The following DNM3 variants were observed in gnomAD, a reference collection of about 807,000 sequenced individuals.
DNM3 encodes dynamin 3.
In DNM3, 47 loss-of-function variants were observed where a neutral mutation model predicts 101.6. That is an observed-to-expected ratio of 0.46 (90% CI 0.37 to 0.59). The LOEUF (loss-of-function observed/expected upper bound fraction) is 0.59, where lower values mean the gene tolerates loss of function less well. DNM3 is among the 20% of genes least tolerant of loss of function. The probability of loss-of-function intolerance (pLI) is 0.00; values close to 1 mark genes in which losing one functional copy is unlikely to be tolerated. For missense variants in DNM3, 849 were observed against 1,085.7 expected (o/e 0.78, Z 3.06); for synonymous variants, 385 against 387.9 (o/e 0.99, Z 0.09).
intron 2 of DNM3, chr1:171,970,073 A>C (rs957763892): frequency 5.3e-6 from 1 of 188,696 alleles, no homozygotes; most frequent in Non-Finnish European, 9.8e-6. Context: ...TGGCGGAAAC[A>C]GATAAAGATA....
chr1:172,385,487 A>G (rs2069131733), intron 18 of DNM3, among the ~76,000 whole-genome samples: 1 of 152,216 alleles, frequency 6.6e-6, no homozygotes, highest in South Asian at 2.1e-4. Context: ...AGGGTTTCCT[A>G]AATACATCTT....
intron 6 of DNM3, among the ~76,000 whole-genome samples, chr1:172,037,662 G>C (rs1266789605): frequency 1.3e-5 from 2 of 152,000 alleles, no homozygotes. Context: ...AGTTTTCATT[G>C]TACTGAGCTT....
At chr1:171,899,806 A>G (rs1408857927) in intron 1 of DNM3, among the ~76,000 whole-genome samples, 2 of 152,220 alleles carry the variant, frequency 1.3e-5, no homozygotes, top group African/African-American at 4.8e-5. Context: ...AAACATATAT[A>G]GTGGGTTCTA....
At chr1:172,367,101 G>T (rs1180826257) in intron 17 of DNM3, among the ~76,000 whole-genome samples, 1 of 151,650 alleles carries the variant, frequency 6.6e-6, no homozygotes, top group Non-Finnish European at 1.5e-5. Flanking sequence ...ACAATAGCAA[G>T]AGAAAAGTGT....
At chr1:172,078,132 A>G (rs948775127) in intron 11 of DNM3, among the ~76,000 whole-genome samples, 5 of 151,910 alleles carry the variant, frequency 3.3e-5, no homozygotes, top group Admixed American at 2.6e-4. Context: ...TCACTCTGTC[A>G]CCCAGGCTGC....
At chr1:172,124,875 A>T (rs965066302) in intron 13 of DNM3, among the ~76,000 whole-genome samples, 5 of 152,216 alleles carry the variant, frequency 3.3e-5, no homozygotes, top group African/African-American at 1.2e-4. Flanking sequence ...CCAGGCCTGT[A>T]AATGGGAAGA....
At chr1:172,095,367 T>A (rs1458285886) in intron 13 of DNM3, among the ~76,000 whole-genome samples, 1 of 152,158 alleles carries the variant, frequency 6.6e-6, no homozygotes, top group South Asian at 2.1e-4. Flanking sequence ...GAAAAAAGCT[T>A]TCAATTTGCA....
chr1:172,062,466 A>T (rs2051316821), intron 10 of DNM3, among the ~76,000 whole-genome samples: 1 of 152,210 alleles, frequency 6.6e-6, no homozygotes, highest in East Asian at 1.9e-4. Context: ...TTTCATAAAT[A>T]ACACTAGAGT....
rs771766621 is a variant in DNM3 at position 171,841,687 on chromosome 1, C to A, written c.31C>A (p.Pro11Thr). The A allele has an allele frequency of 6.2e-6, 10 of 1,611,918 alleles. No homozygotes were observed. The highest frequency in any genetic ancestry group is 6.8e-6 in the Non-Finnish European group (8 of 1,179,332). ...GAACCGGGAGATGGAGGAGCTGATC[C>A]CGCTGGTGAACCGTCTGCAGGACGC... is the stretch of plus-strand genomic sequence containing the variant. MGNREMEELI[P>T]LVNRLQDAFS... The change falls in exon 1 of 21, where the codon CCG becomes ACG. Residue 11 changes from proline to threonine, a missense_variant. Transcript: ENST00000627582.
chr1:171,898,498 A>G (rs2038008240), intron 1 of DNM3, among the ~76,000 whole-genome samples: 1 of 152,128 alleles, frequency 6.6e-6, no homozygotes, highest in African/African-American at 2.4e-5. Flanking sequence ...CATTTTTAAA[A>G]CCTATTTTTT....
chr1:172,030,855 C>A (rs1313355617), intron 4 of DNM3, among the ~76,000 whole-genome samples: 1 of 152,148 alleles, frequency 6.6e-6, no homozygotes, highest in Non-Finnish European at 1.5e-5. Context: ...CAATGAGATA[C>A]CATCTCATGC....
chr1:172,333,740 C>T (rs1301629323), intron 17 of DNM3, among the ~76,000 whole-genome samples: 1 of 152,074 alleles, frequency 6.6e-6, no homozygotes, highest in African/African-American at 2.4e-5. Flanking sequence ...TATTCAGTTG[C>T]ATCCCAACTA....
chr1:171,842,198 T>G (rs1338443459), intron 1 of DNM3, among the ~76,000 whole-genome samples: 2 of 151,988 alleles, frequency 1.3e-5, no homozygotes, highest in South Asian at 2.1e-4. Context: ...AGCTTCCCAG[T>G]GCCCCTCTCC....
At position 171,948,138 on chromosome 1, in the gene DNM3, G is replaced by T. The variant is rs185452053; in HGVS notation, c.235+26317G>T. ...TGTTCTTTAAAGCACTCTACTTGTAGCAAACAGACAGCAATTACATCTGTT... is the reference window on the plus strand; with the variant it reads ...TGTTCTTTAAAGCACTCTACTTGTATCAAACAGACAGCAATTACATCTGTT... On this transcript the variant is annotated intron_variant, in intron 2 of 20. Transcript: ENST00000627582. Among the ~76,000 whole-genome samples the T allele has an allele frequency of 2.6e-5, 4 of 152,276 alleles. 1 individual carries two copies. Among genetic ancestry groups the T allele is most frequent in the Admixed American group, 2.6e-4 (4 of 15,288 alleles).
chr1:172,353,682 T>C (rs1388979504), intron 17 of DNM3, among the ~76,000 whole-genome samples: 1 of 152,162 alleles, frequency 6.6e-6, no homozygotes, highest in Non-Finnish European at 1.5e-5. Flanking sequence ...TCTCAATTTA[T>C]TGTATGGCCT....
In DNM3 at chr1:172,128,622, A is replaced by G. The variant is rs533349843; in HGVS notation, c.1546-2553A>G. Among the ~76,000 whole-genome samples the G allele has an allele frequency of 1.3e-4, 20 of 152,348 alleles. No homozygotes were observed. In the South Asian group the frequency reaches 4.1e-3, roughly 32 times the overall value. ...TTGTTTTAAATTAATGAGATATTTT[A>G]CATTATTTTTTGTATTAAGTTTTCA... On this transcript the variant is annotated intron_variant, in intron 13 of 20. Coordinates refer to ENST00000627582, the MANE Select transcript of DNM3 (RefSeq NM_015569.5).
chr1:172,292,404 G>T (rs1317432011), intron 15 of DNM3, among the ~76,000 whole-genome samples: 5 of 152,138 alleles, frequency 3.3e-5, no homozygotes, highest in African/African-American at 1.2e-4. Flanking sequence ...CCAGAAAACA[G>T]GCAAAAGTTC....
chr1:172,058,555 T>A (rs1300127254), intron 10 of DNM3, among the ~76,000 whole-genome samples: 3 of 151,970 alleles, frequency 2.0e-5, no homozygotes, highest in Admixed American at 2.0e-4. Context: ...TGAAAACCCC[T>A]CAACTACATG....
intron 17 of DNM3, among the ~76,000 whole-genome samples, chr1:172,368,597 A>C: frequency 6.6e-6 from 1 of 151,904 alleles, no homozygotes; most frequent in African/African-American, 2.4e-5. Context: ...CAAACCCAAA[A>C]TTAGAAGGAA....
Sources: allele counts gnomAD v4.1 joint callset (sites outside exome capture counted in the v4.1 genomes callset), GRCh38; gene constraint gnomAD v4.1.1; transcripts MANE v1.5; gene names NCBI Gene and HGNC (gene_info 2026-07-23, HGNC 2026-07-21).